RAB11FIP1: variants seen among roughly 807,000 people sequenced by gnomAD.
RAB11FIP1 encodes the protein rab11 family-interacting protein 1.
Under a neutral mutation model 83.1 loss-of-function variants are expected in RAB11FIP1, and 49 were observed. The observed-to-expected ratio is 0.59, with a 90% confidence interval of 0.47 to 0.75. The LOEUF (loss-of-function observed/expected upper bound fraction) is 0.75, where lower values mean the gene tolerates loss of function less well. Among genes scored for constraint, RAB11FIP1 ranks in the 30% least tolerant of loss-of-function variants. The pLI, the probability that RAB11FIP1 is intolerant of heterozygous loss-of-function variation, is 0.00. For synonymous variants in RAB11FIP1, 670 were observed against 656.0 expected, an observed-to-expected ratio of 1.02 and a Z score of -0.33; for missense variants, 1,536 against 1,598.7, an observed-to-expected ratio of 0.96 and a Z score of 0.67.
intron 1 of RAB11FIP1, among the ~76,000 whole-genome samples, chr8:37,885,432 T>C (rs1294752194): frequency 6.6e-6 from 1 of 152,148 alleles, no homozygotes; most frequent in African/African-American, 2.4e-5. Flanking sequence ...ACAACCACTA[T>C]TATCAGTTTT....
intron 4 of RAB11FIP1, chr8:37,870,925 G>A: frequency 3.4e-6 from 1 of 294,654 alleles, no homozygotes; most frequent in Admixed American, 4.8e-5. Context: ...CTTCACGTTG[G>A]GGAGTGCTTG....
chr8:37,871,472 G>A lies in RAB11FIP1; in HGVS notation c.3330C>T (p.Phe1110=). Residue 1110 remains phenylalanine, a synonymous_variant, in exon 4 of 6, where the codon TTC becomes TTT. Transcript: ENST00000330843. The stretch of plus-strand genomic sequence containing the variant: ...GAGTGTCAGAATGTGCAGAGCTGGG[G>A]AAAGAGTGTGTGACAGGAAAGATCT... The part of the protein sequence containing the change: ...PSEIFPVTHS[F]PSSAHSDTHH... 1 of 1,614,058 alleles carries A rather than the reference G, an allele frequency of 6.2e-7. No homozygotes were observed. The highest frequency in any genetic ancestry group is 8.5e-7 in the Non-Finnish European group (1 of 1,179,942).
intron 1 of RAB11FIP1, among the ~76,000 whole-genome samples, chr8:37,885,707 G>A (rs1484265619): frequency 4.6e-5 from 7 of 152,244 alleles, no homozygotes; most frequent in Non-Finnish European, 1.0e-4. Context: ...ACACACAAGA[G>A]TGGTGTGCAG....
Position 37,859,853 on chromosome 8 carries a change from C to T in RAB11FIP1, c.*3042G>A, listed in dbSNP as rs547076225. The T allele has an allele frequency of 6.6e-6, 1 of 152,320 alleles. No homozygotes were observed. The highest frequency in any genetic ancestry group is 1.9e-4 in the East Asian group (1 of 5,190). The allele number at this position is 152,320 out of a possible 1,614,324, so 9.4% of individuals were successfully genotyped here. On this transcript the variant is annotated 3_prime_UTR_variant, in exon 6 of 6. Transcript: ENST00000330843. ...TGAGACATAGGCCATTTGTAGGATT[C>T]TCCAGTGCTCCAATTCACTAATGTC...
In RAB11FIP1 at chr8:37,894,723, C is replaced by CATATATATATATAT. The variant is rs140765783; in HGVS notation, c.371+4334_371+4347dup. ...ATACATATATATACATATATATATA[C>CATATATATATATAT]ATATATATATATATATACACACACA... On this transcript the variant is annotated intron_variant, in intron 1 of 5. Transcript: ENST00000330843. Among the ~76,000 whole-genome samples the CATATATATATATAT allele has an allele frequency of 7.2e-4, 102 of 142,026 alleles. 1 individual carries two copies. The highest frequency in any genetic ancestry group is 2.6e-3 in the African/African-American group (97 of 37,988). 93.2% of individuals were successfully genotyped at this position (142,026 alleles called of 152,430 possible).
At chr8:37,897,258 T>A (rs992908727) in intron 1 of RAB11FIP1, among the ~76,000 whole-genome samples, 2 of 151,658 alleles carry the variant, frequency 1.3e-5, no homozygotes, top group Non-Finnish European at 2.9e-5. Flanking sequence ...CAAGCCTACA[T>A]GCTGAAATGG....
In RAB11FIP1 at chr8:37,872,691, T is replaced by C; in HGVS notation, c.2111A>G (p.Glu704Gly). The change falls in exon 4 of 6, where the codon GAA becomes GGA. Residue 704 changes from glutamate to glycine, a missense_variant. Physicochemically the swap from Glu to Gly is moderately conservative, Grantham distance 98 (BLOSUM62 -2). Transcript: ENST00000330843. ...TTTGCAGGGGAATCTCGGAAGTTCT[T>C]CCTCTTGTCGCCCTGTTTCAGGCTG... ...PEQPETGRQE[E>G]ELPRFPCKKQ... The C allele has an allele frequency of 6.2e-7, 1 of 1,614,204 alleles. No homozygotes were observed. The highest frequency in any genetic ancestry group is 2.2e-5 in the East Asian group (1 of 44,890).
At chr8:37,889,064 T>C (rs1472359910) in intron 1 of RAB11FIP1, among the ~76,000 whole-genome samples, 1 of 152,194 alleles carries the variant, frequency 6.6e-6, no homozygotes, top group Non-Finnish European at 1.5e-5. Flanking sequence ...CGCAAAGTGC[T>C]GGGATTACAG....
In RAB11FIP1 at chr8:37,874,902, A is replaced by G. The variant is rs375884781; in HGVS notation, c.1235T>C (p.Met412Thr). 1.9e-6 allele frequency: 3 copies of G among 1,613,972 alleles called. No individual in the cohort carries two copies. The highest frequency in any genetic ancestry group is 2.5e-6 in the Non-Finnish European group (3 of 1,179,988). Residue 412 changes from methionine (M) to threonine (T), a missense_variant, in exon 3 of 6, where the codon ATG (methionine) becomes ACG (threonine). Coordinates refer to ENST00000330843, the MANE Select transcript of RAB11FIP1 (RefSeq NM_001002814.3). ...TGTGGCCTCTGAGTTTGCGGGGGCC[A>G]TGTTTTCCCTGAGGTCCCCACTGAC... ...PLVSGDLREN[M>T]APANSEATKE...
rs772186617 is a variant in RAB11FIP1 at position 37,871,412 on chromosome 8, G to A, written c.3390C>T (p.Ala1130=). The part of the protein sequence containing the change: ...HTSTAESQKK[A]TAEGSAGRVE... The stretch of plus-strand genomic sequence containing the variant: ...CTCTACCAGCGGAGCCCTCTGCTGT[G>A]GCTTTTTTTTGAGATTCTGCTGTGC... Residue 1130 remains alanine, a synonymous_variant, in exon 4 of 6, where the codon GCC becomes GCT. Coordinates refer to ENST00000330843, the MANE Select transcript of RAB11FIP1 (RefSeq NM_001002814.3). 6.2e-6 allele frequency: 10 copies of A among 1,614,166 alleles called. No homozygotes were observed. Among genetic ancestry groups the A allele is most frequent in the Non-Finnish European group, 8.5e-6 (10 of 1,180,030 alleles).
At chr8:37,898,830 A>AG (rs1277627450) in intron 1 of RAB11FIP1, among the ~76,000 whole-genome samples, 3 of 151,314 alleles carry the variant, frequency 2.0e-5, no homozygotes, top group Admixed American at 2.0e-4. Flanking sequence ...TAAAAAAAAA[A>AG]AAAAAAAAAG....
At chr8:37,879,274 C>A (rs1806688009) in intron 1 of RAB11FIP1, among the ~76,000 whole-genome samples, 1 of 151,986 alleles carries the variant, frequency 6.6e-6, no homozygotes, top group South Asian at 2.1e-4. Flanking sequence ...TGCCACTGCA[C>A]TCCAGCACTC....
At position 37,872,642 on chromosome 8, in the gene RAB11FIP1, A is replaced by C; in HGVS notation, c.2160T>G (p.Ser720=). 1.2e-6 allele frequency: 2 copies of C among 1,614,208 alleles called. No homozygotes were observed. Among genetic ancestry groups the C allele is most frequent in the Non-Finnish European group, 1.7e-6 (2 of 1,180,046 alleles). The change falls in exon 4 of 6, where the codon TCT becomes TCG. Residue 720 remains serine, a synonymous_variant. Coordinates refer to ENST00000330843, the MANE Select transcript of RAB11FIP1 (RefSeq NM_001002814.3). The part of the protein sequence containing the change: ...PCKKQDYSPS[S]GEAQEVPFAL... ...CAAACGGTACTTCCTGGGCTTCTCC[A>C]GATGATGGGCTGTAGTCTTGTTTTT...
At chr8:37,869,201 T>C (rs1318543342) in intron 5 of RAB11FIP1, among the ~76,000 whole-genome samples, 3 of 146,208 alleles carry the variant, frequency 2.1e-5, no homozygotes, top group Non-Finnish European at 4.5e-5. Flanking sequence ...CCACTCCAGC[T>C]TGGGCAACAG....
chr8:37,871,927 G>A lies in RAB11FIP1; in HGVS notation c.2875C>T (p.Leu959Phe). 1 of 1,614,184 alleles carries A rather than the reference G, an allele frequency of 6.2e-7. No homozygotes were observed. The highest frequency in any genetic ancestry group is 8.5e-7 in the Non-Finnish European group (1 of 1,180,030). ...SPIMADLNLS[L>F]PSIPEVASDD... ...GATGCGACTTCAGGAATGGAAGGAA[G>A]GCTTAAGTTCAGATCGGCCATGATT... is the stretch of plus-strand genomic sequence containing the variant. Residue 959 changes from leucine to phenylalanine, a missense_variant, in exon 4 of 6, where the codon CTT (leucine) becomes TTT (phenylalanine). Physicochemically the swap from Leu to Phe is conservative, Grantham distance 22. Coordinates refer to ENST00000330843, the MANE Select transcript of RAB11FIP1 (RefSeq NM_001002814.3).
In RAB11FIP1 at chr8:37,861,477, CA is replaced by C; in HGVS notation, c.*1417del. 1 of 411,236 alleles carries C rather than the reference CA, an allele frequency of 2.4e-6. No homozygotes were observed. 25.5% of individuals were successfully genotyped at this position (411,236 alleles called of 1,614,324 possible). A position where few individuals can be genotyped will look rare whatever the true frequency, so the allele number is the denominator to read the frequency against. On this transcript the variant is annotated 3_prime_UTR_variant, in exon 6 of 6. Transcript: ENST00000330843. ...AGAAAGTGTTCAAAGGACAGACATG[CA>C]GATGCAGTTCAATCCCTTTGGGGTC... is the stretch of plus-strand genomic sequence containing the variant.
At chr8:37,880,719 G>T (rs922882787) in intron 1 of RAB11FIP1, among the ~76,000 whole-genome samples, 2 of 147,748 alleles carry the variant, frequency 1.4e-5, no homozygotes, top group African/African-American at 2.5e-5. Flanking sequence ...AGCTATGATT[G>T]CACCACTGCA....
chr8:37,882,368 G>A (rs1416756727), intron 1 of RAB11FIP1, among the ~76,000 whole-genome samples: 1 of 152,126 alleles, frequency 6.6e-6, no homozygotes, highest in Admixed American at 6.5e-5. Context: ...CCCAGACTTG[G>A]GAGTGTTCTA....
Position 37,874,598 on chromosome 8 carries a change from T to C in RAB11FIP1, c.1539A>G (p.Pro513=). 2 of 1,614,218 alleles carry C rather than the reference T, an allele frequency of 1.2e-6. No individual in the cohort carries two copies. The highest frequency in any genetic ancestry group is 1.7e-5 in the Admixed American group (1 of 60,028). Residue 513 remains proline (P), a synonymous_variant, in exon 3 of 6, where the codon CCA becomes CCG. Transcript: ENST00000330843. ...CAGACTTGGACTCTGGCTCAGCTTC[T>C]GGTTCTGTGATCTGCACATCTTCAA... ...NLFEDVQITE[P]EAEPESKSEP... is the part of the protein sequence containing the mutation.
Sources: allele counts gnomAD v4.1 joint callset (sites outside exome capture counted in the v4.1 genomes callset), GRCh38; gene constraint gnomAD v4.1.1; transcripts MANE v1.5; gene names NCBI Gene and HGNC (gene_info 2026-07-23, HGNC 2026-07-21).